The following CATSPERT variants were observed in gnomAD, a reference collection of about 807,000 sequenced individuals.
The protein encoded by CATSPERT is cation channel sperm-associated targeting subunit tau.
the CATSPERT span, among the ~76,000 whole-genome samples, chr2:201,570,558 T>C: frequency 6.6e-6 from 1 of 152,202 alleles, no homozygotes; most frequent in Non-Finnish European, 1.5e-5. Flanking sequence ...TTGGGTAGTT[T>C]TAATTTTTAT....
chr2:201,518,809 T>C, the CATSPERT span, among the ~76,000 whole-genome samples: 1 of 152,240 alleles, frequency 6.6e-6, no homozygotes, highest in African/African-American at 2.4e-5. Flanking sequence ...ATTTTTCTGC[T>C]GCCTTTAGGT....
chr2:201,505,918 T>C, the CATSPERT span, among the ~76,000 whole-genome samples: 1 of 152,168 alleles, frequency 6.6e-6, no homozygotes, highest in Non-Finnish European at 1.5e-5. Flanking sequence ...GTTCTGTAAA[T>C]CTACAGTTAT....
the CATSPERT span, among the ~76,000 whole-genome samples, chr2:201,605,741 A>T: frequency 6.6e-6 from 1 of 151,592 alleles, no homozygotes; most frequent in Non-Finnish European, 1.5e-5. Flanking sequence ...AAATTATAAC[A>T]TAAGATTTCA....
chr2:201,609,902 T>C, the CATSPERT span, among the ~76,000 whole-genome samples: 6 of 152,040 alleles, frequency 3.9e-5, no homozygotes, highest in Admixed American at 1.3e-4. Context: ...AACAAAAATT[T>C]GGCTTTTGAC....
At chr2:201,501,314 G>A in the CATSPERT span, among the ~76,000 whole-genome samples, 10 of 138,824 alleles carry the variant, frequency 7.2e-5, no homozygotes, top group East Asian at 2.2e-3. Context: ...AGAATTGCTT[G>A]AACCCAGGAG....
chr2:201,617,050 A>C, the CATSPERT span, among the ~76,000 whole-genome samples: 1 of 152,244 alleles, frequency 6.6e-6, no homozygotes, highest in Non-Finnish European at 1.5e-5. Context: ...TGCTCAATGA[A>C]ATAAAAGAGG....
chr2:201,513,692 A>G, the CATSPERT span, among the ~76,000 whole-genome samples: 2 of 152,232 alleles, frequency 1.3e-5, no homozygotes, highest in Non-Finnish European at 1.5e-5. Flanking sequence ...GTGCCCATCA[A>G]CAATGGACTG....
At chr2:201,618,796 G>C in the CATSPERT span, 44 of 903,556 alleles carry the variant, frequency 4.9e-5, no homozygotes, top group Non-Finnish European at 3.3e-6. Context: ...CAATTGAAGG[G>C]AGATGCAATT....
chr2:201,602,822 C>T, the CATSPERT span, among the ~76,000 whole-genome samples: 45 of 152,196 alleles, frequency 3.0e-4, no homozygotes, highest in Non-Finnish European at 5.0e-4. Context: ...TTTAAGGGGA[C>T]ACCAACAACT....
chr2:201,598,971 A>G, the CATSPERT span, among the ~76,000 whole-genome samples: 4 of 151,896 alleles, frequency 2.6e-5, no homozygotes, highest in African/African-American at 7.3e-5. Flanking sequence ...CATTCCTATA[A>G]CCCAAAGACC....
chr2:201,507,931 A>G, the CATSPERT span, among the ~76,000 whole-genome samples: 1 of 152,186 alleles, frequency 6.6e-6, no homozygotes, highest in African/African-American at 2.4e-5. Context: ...GAACTCACTC[A>G]CTGTCACCAG....
the CATSPERT span, among the ~76,000 whole-genome samples, chr2:201,582,623 G>A: frequency 1.3e-5 from 2 of 152,124 alleles, no homozygotes; most frequent in Non-Finnish European, 2.9e-5. Flanking sequence ...CCAAATACAG[G>A]TTATCCAAAT....
At chr2:201,535,659 A>G in the CATSPERT span, 1 of 1,177,176 alleles carries the variant, frequency 8.5e-7, no homozygotes, top group Non-Finnish European at 1.0e-6. Context: ...GCTTTTCTTG[A>G]AAGTTTTTTA....
At chr2:201,493,692 C>T in the CATSPERT span, 10 of 1,537,228 alleles carry the variant, frequency 6.5e-6, no homozygotes, top group Non-Finnish European at 8.7e-6. Flanking sequence ...TTTCACTTGG[C>T]TCTTTCACTT....
chr2:201,490,538 G>A, the CATSPERT span, among the ~76,000 whole-genome samples: 1 of 152,174 alleles, frequency 6.6e-6, no homozygotes, highest in African/African-American at 2.4e-5. Flanking sequence ...ACTCTCGGCT[G>A]TGTCAGCTGG....
At chr2:201,523,935 GA>G in the CATSPERT span, among the ~76,000 whole-genome samples, 1 of 151,998 alleles carries the variant, frequency 6.6e-6, no homozygotes, top group Non-Finnish European at 1.5e-5. Context: ...AATTTAGTGA[GA>G]AAAAATTTTT....
chr2:201,508,952 A>AG, the CATSPERT span, among the ~76,000 whole-genome samples: 1 of 143,314 alleles, frequency 7.0e-6, no homozygotes, highest in African/African-American at 3.0e-5. Flanking sequence ...TGGGTGTGCG[A>AG]AATTTCTTCA....
chr2:201,523,003 G>A, the CATSPERT span, among the ~76,000 whole-genome samples: 1 of 152,152 alleles, frequency 6.6e-6, no homozygotes, highest in African/African-American at 2.4e-5. Context: ...ATAGCTCTTT[G>A]GCTGGCAGAT....
chr2:201,491,790 C>T, the CATSPERT span: 1 of 1,537,072 alleles, frequency 6.5e-7, no homozygotes, highest in Non-Finnish European at 8.7e-7. Flanking sequence ...TCTTTTCACA[C>T]CAAGCTTTTG....
Sources: gnomAD v4.1 joint callset for allele counts (sites outside exome capture counted in the v4.1 genomes callset) on GRCh38, gnomAD v4.1.1 for gene constraint, MANE v1.5 for transcripts, NCBI Gene and HGNC (gene_info 2026-07-23, HGNC 2026-07-21) for gene names.